Variants in PDE12 observed in about 807,000 individuals in gnomAD.
The protein encoded by PDE12 is phosphodiesterase 12.
Under a neutral mutation model 45.4 loss-of-function variants are expected in PDE12, and 26 were observed. That is an observed-to-expected ratio of 0.57 (90% CI 0.42 to 0.79). PDE12 has a LOEUF of 0.79. PDE12 is among the 30% of genes least tolerant of loss of function. The pLI is 0.00. For synonymous variants in PDE12, 283 were observed against 323.9 expected, an observed-to-expected ratio of 0.87 and a Z score of 1.36; for missense variants, 668 against 790.0, an observed-to-expected ratio of 0.85 and a Z score of 1.85.
At chr3:57,570,219 GTTT>G (rs34599005), downstream of PDE12, among the ~76,000 whole-genome samples, 85 of 102,326 alleles carry the variant, frequency 8.3e-4, no homozygotes, top group African/African-American at 3.2e-3. Context: ...TTAATCCAGT[GTTT>G]TTTTTTTTTT....
At chr3:57,629,015 AG>A in the PDE12 span, 2 of 643,356 alleles carry the variant, frequency 3.1e-6, no homozygotes, top group Non-Finnish European at 2.5e-6. Flanking sequence ...ACCCAGATAT[AG>A]CATTATAGTG....
chr3:57,624,220 G>T, the PDE12 span, among the ~76,000 whole-genome samples: 3 of 151,250 alleles, frequency 2.0e-5, no homozygotes, highest in Non-Finnish European at 2.9e-5. Flanking sequence ...GGGCGATCTC[G>T]GCTCACTGCA....
At chr3:57,577,603 C>T in the PDE12 span, among the ~76,000 whole-genome samples, 2 of 152,186 alleles carry the variant, frequency 1.3e-5, no homozygotes, top group Non-Finnish European at 2.9e-5. Flanking sequence ...TTTTATTCTT[C>T]ACCAATTAAT....
At chr3:57,631,415 C>T in the PDE12 span, among the ~76,000 whole-genome samples, 60 of 152,058 alleles carry the variant, frequency 3.9e-4, no homozygotes, top group African/African-American at 5.8e-4. Flanking sequence ...AGGCTGGTCT[C>T]GAACTCCTGA....
In PDE12 at chr3:57,559,377, G is replaced by C. The variant is rs1306643489; in HGVS notation, c.1376G>C (p.Trp459Ser). 6.2e-7 allele frequency: 1 copy of C among 1,610,554 alleles called. No homozygotes were observed. Among genetic ancestry groups the C allele is most frequent in the East Asian group, 2.2e-5 (1 of 44,846 alleles). ...RICVANTHLYWHPKGGYIRLI... is the reference protein window; with the variant it reads ...RICVANTHLYSHPKGGYIRLI... ...TGTGTTGCTAATACCCATCTTTACT[G>C]GCATCCTAAAGGTAGGTTTTATTTG... The change falls in exon 2 of 3, where the codon TGG (tryptophan) becomes TCG (serine). Residue 459 changes from tryptophan to serine, a missense_variant. Trp to Ser is a radical substitution (Grantham distance 177, BLOSUM62 -3). This residue lies in a region of PDE12 where 580 missense variants were observed against 662.9 expected (regional missense o/e 0.87). Transcript: ENST00000311180.
At chr3:57,573,451 T>C in the PDE12 span, among the ~76,000 whole-genome samples, 4 of 152,200 alleles carry the variant, frequency 2.6e-5, no homozygotes, top group Non-Finnish European at 5.9e-5. Flanking sequence ...ACTGCAGGTA[T>C]ACCATGTTGC....
chr3:57,593,006 A>AT, the PDE12 span, among the ~76,000 whole-genome samples: 1 of 152,052 alleles, frequency 6.6e-6, no homozygotes. Context: ...GGAGTTTGAG[A>AT]TCAGCTGGGC....
chr3:57,634,666 A>G, the PDE12 span: 22 of 1,494,864 alleles, frequency 1.5e-5, no homozygotes, highest in Non-Finnish European at 1.8e-5. Context: ...CCCAAGTACC[A>G]TATAAATATA....
At chr3:57,586,637 T>C in the PDE12 span, among the ~76,000 whole-genome samples, 1 of 152,170 alleles carries the variant, frequency 6.6e-6, no homozygotes, top group African/African-American at 2.4e-5. Flanking sequence ...CAAGCCCTCA[T>C]TCATGAGCAT....
chr3:57,590,862 G>A, the PDE12 span, among the ~76,000 whole-genome samples: 4 of 152,046 alleles, frequency 2.6e-5, no homozygotes, highest in Admixed American at 6.6e-5. Flanking sequence ...AAATTTTTTT[G>A]TAGAGATGAG....
chr3:57,620,723 TATC>T, the PDE12 span, among the ~76,000 whole-genome samples: 1 of 152,160 alleles, frequency 6.6e-6, no homozygotes. Context: ...TTTAAAAAAA[TATC>T]ATTTGCAACA....
chr3:57,620,177 G>A, the PDE12 span, among the ~76,000 whole-genome samples: 5 of 151,628 alleles, frequency 3.3e-5, no homozygotes, highest in African/African-American at 9.7e-5. Flanking sequence ...AGCTGAGATC[G>A]TGCCACTGCA....
Position 57,560,334 on chromosome 3 carries a change from TG to T in PDE12, c.*331del, listed in dbSNP as rs1452551889. On this transcript the variant is annotated 3_prime_UTR_variant, in exon 3 of 3. Transcript: ENST00000311180. ...GTTTGTTTGTTTTTGTTTTTGTTTTTGTTTTTTTGAGATGGAGTTTCACTCT... is the reference window on the plus strand; with the variant it reads ...GTTTGTTTGTTTTTGTTTTTGTTTTTTTTTTTTGAGATGGAGTTTCACTCT... The T allele has an allele frequency of 1.9e-6, 2 of 1,065,638 alleles. No individual in the cohort carries two copies. Among genetic ancestry groups the T allele is most frequent in the Non-Finnish European group, 2.3e-6 (2 of 874,516 alleles). 66.0% of individuals were successfully genotyped at this position (1,065,638 alleles called of 1,614,324 possible). A position where few individuals can be genotyped will look rare whatever the true frequency, so the allele number is the denominator to read the frequency against.
chr3:57,575,178 C>G, the PDE12 span, among the ~76,000 whole-genome samples: 1 of 151,920 alleles, frequency 6.6e-6, no homozygotes, highest in African/African-American at 2.4e-5. Context: ...AACAAGCAAA[C>G]AAACATTACT....
chr3:57,607,510 G>A, the PDE12 span, among the ~76,000 whole-genome samples: 29 of 152,158 alleles, frequency 1.9e-4, 3 homozygotes, highest in South Asian at 5.8e-3. Flanking sequence ...TAGATGAATG[G>A]CTAACTAGAA....
chr3:57,629,365 G>A, the PDE12 span, among the ~76,000 whole-genome samples: 5 of 152,086 alleles, frequency 3.3e-5, no homozygotes, highest in African/African-American at 4.8e-5. Flanking sequence ...GGGAGTTTAT[G>A]AGTAGAAAGT....
the PDE12 span, among the ~76,000 whole-genome samples, chr3:57,646,986 G>T: frequency 2.0e-5 from 3 of 152,142 alleles, no homozygotes; most frequent in Admixed American, 6.6e-5. Context: ...CCTGGAATTG[G>T]GTGGAGGCCT....
the PDE12 span, among the ~76,000 whole-genome samples, chr3:57,632,021 CT>C: frequency 7.1e-4 from 68 of 96,024 alleles, no homozygotes; most frequent in African/African-American, 8.1e-4. Context: ...CGCGCCCGGC[CT>C]TTTTTTTTTT....
At chr3:57,592,092 C>T in the PDE12 span, among the ~76,000 whole-genome samples, 1 of 152,218 alleles carries the variant, frequency 6.6e-6, no homozygotes, top group South Asian at 2.1e-4. Flanking sequence ...AAAAAATTTT[C>T]TAAAAAGCCA....
Sources: allele counts gnomAD v4.1 joint callset (sites outside exome capture counted in the v4.1 genomes callset), GRCh38; gene constraint gnomAD v4.1.1; regional missense constraint gnomAD v4.1.1; transcripts MANE v1.5; gene names NCBI Gene and HGNC (gene_info 2026-07-23, HGNC 2026-07-21).